Variants in IQANK1 observed in about 807,000 individuals in gnomAD.
IQANK1 encodes IQ motif and ankyrin repeat domain-containing protein 1.
In IQANK1, 30 loss-of-function variants were observed where a neutral mutation model predicts 22.6. The observed-to-expected ratio is 1.33, with a 90% confidence interval of 0.99 to 1.80. The LOEUF is 1.80. IQANK1 is among the 40% of genes most tolerant of loss of function. IQANK1 has a pLI of 0.00. For missense variants in IQANK1, 275 were observed against 235.2 expected, an observed-to-expected ratio of 1.17 and a Z score of -1.11; for synonymous variants, 122 against 99.6, an observed-to-expected ratio of 1.23 and a Z score of -1.34.
At chr8:143,766,702 A>AT (rs1368590922) in intron 3 of IQANK1, among the ~76,000 whole-genome samples, 2 of 152,114 alleles carry the variant, frequency 1.3e-5, no homozygotes, top group East Asian at 3.9e-4. Flanking sequence ...GAACGTACTG[A>AT]TTTTAACATG....
chr8:143,779,219 TTA>T (rs1427654410), intron 7 of IQANK1, among the ~76,000 whole-genome samples: 31 of 152,236 alleles, frequency 2.0e-4, no homozygotes, highest in African/African-American at 6.8e-4. Context: ...AATTATTCAC[TTA>T]TTTTTTATCT....
At chr8:143,773,307 A>AAAAAAAAAAAAC (rs1819617734) in intron 7 of IQANK1, among the ~76,000 whole-genome samples, 12 of 143,324 alleles carry the variant, frequency 8.4e-5, no homozygotes, top group African/African-American at 3.5e-4. Context: ...ACTCAAAAAA[A>AAAAAAAAAAAAC]AAAAAAAAAC....
intron 3 of IQANK1, among the ~76,000 whole-genome samples, chr8:143,746,651 G>A (rs561272010): frequency 4.7e-4 from 71 of 152,300 alleles, no homozygotes; most frequent in African/African-American, 1.3e-3. Context: ...CCAAAGTGTT[G>A]AGATGACAGG....
rs1271265302 is a variant in IQANK1, at chr8:143,758,010, T to C, written c.176-13478T>C. On this transcript the variant is annotated intron_variant, in intron 3 of 13. Transcript: ENST00000527139. This position sits in a 1 kb window ranked among gnomAD's most constrained non-coding sequence, Gnocchi z 4.2. The stretch of plus-strand genomic sequence containing the variant: ...CAATATAGTGTATCAGTTCATGCTT[T>C]TGGGGGTCAAGACAATAAAGATCTC... 2 of 152,198 alleles carry C rather than the reference T, an allele frequency of 1.3e-5. No homozygotes were observed. The highest frequency in any genetic ancestry group is 2.9e-5 in the Non-Finnish European group (2 of 68,038). The allele number at this position is 152,198 out of a possible 1,614,324, so 9.4% of individuals were successfully genotyped here. A position where few individuals can be genotyped will look rare whatever the true frequency, so the allele number is the denominator to read the frequency against.
intron 3 of IQANK1, among the ~76,000 whole-genome samples, chr8:143,767,740 C>CT (rs1819503163): frequency 6.6e-6 from 1 of 151,764 alleles, no homozygotes; most frequent in Non-Finnish European, 1.5e-5. Flanking sequence ...AAGAATGAAT[C>CT]TGAGTGTGGT....
chr8:143,789,697 C>G, intron 10 of IQANK1, 64 bp from the exon 11 acceptor site: 1 of 1,219,618 alleles, frequency 8.2e-7, no homozygotes, highest in Non-Finnish European at 1.0e-6. Context: ...GAAGCTCGGG[C>G]AGCTGCCCTC....
intron 3 of IQANK1, among the ~76,000 whole-genome samples, chr8:143,762,435 G>A (rs1563774331): frequency 6.6e-6 from 1 of 152,176 alleles, no homozygotes; most frequent in Non-Finnish European, 1.5e-5. Context: ...GGCCAGCTGT[G>A]CCCATCTGCC....
At position 143,771,698 on chromosome 8, in the gene IQANK1, G is replaced by A. The variant is rs1009653739; in HGVS notation, c.306+80G>A. ...ATGGCGAAGCAGGGTGCGTGGTGGGGGTGAGGCTCAGATCGGGCTCCGACC... is the reference window on the plus strand; with the variant it reads ...ATGGCGAAGCAGGGTGCGTGGTGGGAGTGAGGCTCAGATCGGGCTCCGACC... On this transcript the variant is annotated intron_variant, in intron 4 of 13. Transcript: ENST00000527139. This position sits in a 1 kb window ranked among gnomAD's most constrained non-coding sequence, Gnocchi z 6.0. The A allele has an allele frequency of 2.3e-5, 9 of 397,782 alleles. No homozygotes were observed. The highest frequency in any genetic ancestry group is 1.3e-4 in the Admixed American group (3 of 22,666). 24.6% of individuals were successfully genotyped at this position (397,782 alleles called of 1,614,324 possible). A position where few individuals can be genotyped will look rare whatever the true frequency, so the allele number is the denominator to read the frequency against.
At chr8:143,770,579 T>C (rs1819553439) in intron 3 of IQANK1, among the ~76,000 whole-genome samples, 1 of 152,138 alleles carries the variant, frequency 6.6e-6, no homozygotes, top group Admixed American at 6.5e-5. Flanking sequence ...GGAGCTTGGT[T>C]GTGGGAATCA....
At position 143,774,962 on chromosome 8, in the gene IQANK1, T is replaced by TA. The variant is rs1263108524; in HGVS notation, c.789+2481dup. 6.6e-6 allele frequency among the ~76,000 whole-genome samples: 1 copy of TA among 151,440 alleles called. No homozygotes were observed. Among genetic ancestry groups the TA allele is most frequent in the African/African-American group, 2.4e-5 (1 of 40,856 alleles). On this transcript the variant is annotated intron_variant, in intron 7 of 13. Transcript: ENST00000527139. The surrounding 1 kb of genome is among the most constrained non-coding windows in gnomAD (Gnocchi z 4.2). ...GGACAGATCGGAGGGCTGCAGGGGT[T>TA]ACGGATGGGAGTGGGGGCAGGAAAA... is the stretch of plus-strand genomic sequence containing the variant.
rs1819560422 is a variant in IQANK1, at chr8:143,771,042, C to A, written c.176-446C>A. On this transcript the variant is annotated intron_variant, in intron 3 of 13. Transcript: ENST00000527139. The surrounding 1 kb of genome is among the most constrained non-coding windows in gnomAD (Gnocchi z 6.0). ...TCCCTCTGGGGCCCTGGGCTCCGCG[C>A]CCTCTTCTGAGTCCAGCGGGGCTGT... 6.6e-6 allele frequency among the ~76,000 whole-genome samples: 1 copy of A among 152,354 alleles called. No individual in the cohort carries two copies. Among genetic ancestry groups the A allele is most frequent in the South Asian group, 2.1e-4 (1 of 4,830 alleles).
chr8:143,761,714 G>T (rs1355163508), intron 3 of IQANK1, among the ~76,000 whole-genome samples: 2 of 152,034 alleles, frequency 1.3e-5, no homozygotes, highest in Admixed American at 1.3e-4. Flanking sequence ...AGTGATCTGA[G>T]ATCACATCAC....
At position 143,774,715 on chromosome 8, in the gene IQANK1, CT is replaced by C. The variant is rs1554630157; in HGVS notation, c.789+2236del. On this transcript the variant is annotated intron_variant, in intron 7 of 13. Coordinates refer to ENST00000527139, the MANE Select transcript of IQANK1 (RefSeq NM_001381874.1). The surrounding 1 kb of genome is among the most constrained non-coding windows in gnomAD (Gnocchi z 4.2). Reference sequence around the variant, plus strand: ...ATGTGTACACAGATGTTCACAGCAGCTTTATTTACAATAGCCAAAAAGTGGA... The same window carrying C: ...ATGTGTACACAGATGTTCACAGCAGCTTATTTACAATAGCCAAAAAGTGGA... Among the ~76,000 whole-genome samples the C allele has an allele frequency of 6.6e-6, 1 of 151,726 alleles. No individual in the cohort carries two copies. Among genetic ancestry groups the C allele is most frequent in the Non-Finnish European group, 1.5e-5 (1 of 67,936 alleles).
intron 3 of IQANK1, among the ~76,000 whole-genome samples, chr8:143,740,833 G>A (rs7006948): frequency 0.24 from 36,066 of 152,126 alleles, 4,581 homozygotes; most frequent in East Asian, 0.51. Flanking sequence ...TCCTGAGGAC[G>A]GGAGTAGTGG....
At chr8:143,751,656 GTGTGTGTGTATATA>G (rs1261960191) in intron 3 of IQANK1, among the ~76,000 whole-genome samples, 15 of 39,662 alleles carry the variant, frequency 3.8e-4, no homozygotes, top group African/African-American at 6.9e-4. Context: ...GTGTGTGTGT[GTGTGTGTGTATATA>G]TATATATAAA....
chr8:143,739,893 A>G lies in IQANK1; in HGVS notation c.120A>G (p.Lys40=). Residue 40 remains lysine (K), a synonymous_variant, in exon 3 of 14, where the codon AAA becomes AAG. Coordinates refer to ENST00000527139, the MANE Select transcript of IQANK1 (RefSeq NM_001381874.1). ...KPGENRPPQR[K]AGWQAREPAS... Reference sequence around the variant, plus strand: ...GGGAGAACCGCCCGCCGCAGAGGAAAGCGGGCTGGCAGGCGAGGGAGCCCG... The same window carrying G: ...GGGAGAACCGCCCGCCGCAGAGGAAGGCGGGCTGGCAGGCGAGGGAGCCCG... The G allele has an allele frequency of 1.4e-6, 1 of 697,964 alleles. No individual in the cohort carries two copies. The highest frequency in any genetic ancestry group is 2.6e-6 in the Non-Finnish European group (1 of 382,942). 43.2% of individuals were successfully genotyped at this position (697,964 alleles called of 1,614,324 possible).
chr8:143,773,707 C>G (rs1037613249), intron 7 of IQANK1, among the ~76,000 whole-genome samples: 2 of 152,186 alleles, frequency 1.3e-5, no homozygotes, highest in East Asian at 1.9e-4. Context: ...GTAGGTGCTG[C>G]CTGGGAGCCT....
rs1554626056 is a variant in IQANK1, at chr8:143,738,882, C to T, written c.86-977C>T. Among the ~76,000 whole-genome samples, 3 of 152,354 alleles carry T rather than the reference C, an allele frequency of 2.0e-5. No individual in the cohort carries two copies. The East Asian group carries it at 5.8e-4, about 29-fold the overall frequency. On this transcript the variant is annotated intron_variant, in intron 2 of 13. Transcript: ENST00000527139. Reference sequence around the variant, plus strand: ...GCAGCCCATGCACTCTGGAGGGCTCCAGGGCAGCTAGCACGCCCACAGGAG... The same window carrying T: ...GCAGCCCATGCACTCTGGAGGGCTCTAGGGCAGCTAGCACGCCCACAGGAG...
At chr8:143,768,502 G>GCGCCGGCGGACATA (rs1336585384) in intron 3 of IQANK1, among the ~76,000 whole-genome samples, 22 of 152,136 alleles carry the variant, frequency 1.4e-4, no homozygotes, top group African/African-American at 5.1e-4. Context: ...ACTGAAACGT[G>GCGCCGGCGGACATA]CGCCGGCGGA....
Sources: allele counts gnomAD v4.1 joint callset (sites outside exome capture counted in the v4.1 genomes callset), GRCh38; gene constraint gnomAD v4.1.1; non-coding constraint Gnocchi (gnomAD v3.1); transcripts MANE v1.5; gene names NCBI Gene and HGNC (gene_info 2026-07-23, HGNC 2026-07-21).